The following MYH4 variants were observed in gnomAD, a reference collection of about 807,000 sequenced individuals.
The protein encoded by MYH4 is myosin-4.
A neutral mutation model predicts 229.9 loss-of-function variants in MYH4; 200 were observed. The ratio of observed to expected loss-of-function variants is 0.87; its 90% CI spans 0.78 to 0.98. The LOEUF (loss-of-function observed/expected upper bound fraction) is 0.98. Among genes scored for constraint, MYH4 ranks in the 50% least tolerant of loss-of-function variants. The probability of loss-of-function intolerance (pLI) is 0.00; values close to 1 mark genes in which losing one functional copy is unlikely to be tolerated. For missense variants in MYH4, 2,148 were observed against 2,332.6 expected, an observed-to-expected ratio of 0.92 and a Z score of 1.63; for synonymous variants, 761 against 834.6, an observed-to-expected ratio of 0.91 and a Z score of 1.52.
chr17:10,448,691 G>C lies in MYH4; in HGVS notation c.4458C>G (p.Phe1486Leu), dbSNP rs1323192898. The C allele has an allele frequency of 3.7e-6, 6 of 1,613,980 alleles. No individual in the cohort carries two copies. In the Admixed American group the frequency reaches 8.3e-5, roughly 22 times the overall value. ...KESRSLSTELFKVKNAYEESL... is the reference protein window; with the variant it reads ...KESRSLSTELLKVKNAYEESL... ...ATTCCTCGTAGGCATTCTTCACCTT[G>C]AACAGCTCAGTGCTGAGAGAACGCG... The change falls in exon 32 of 40, where the codon TTC becomes TTG. Residue 1486 changes from phenylalanine (F) to leucine (L), a missense_variant. By Grantham distance (22) the Phe-to-Leu change is conservative (BLOSUM62 0). Transcript: ENST00000255381.
chr17:10,451,239 T>G, intron 28 of MYH4, 87 bp downstream of exon 28: 698 of 1,473,162 alleles, frequency 4.7e-4, no homozygotes, highest in Non-Finnish European at 5.8e-4. Context: ...GTACAGAGCT[T>G]GAGAAATTAC....
chr17:10,465,687 A>G lies in MYH4; in HGVS notation c.349-89T>C, dbSNP rs550953876. On this transcript the variant is annotated intron_variant, in intron 4 of 39. Coordinates refer to ENST00000255381, the MANE Select transcript of MYH4 (RefSeq NM_017533.2). ...TTTAAGGGCAAGTAGAGCAGGACCT[A>G]AGTACTGTGTTAGTTCTCATAAAGT... 31 of 1,527,768 alleles carry G rather than the reference A, an allele frequency of 2.0e-5. 1 individual carries two copies. The Middle Eastern group carries it at 5.2e-4, about 26-fold the overall frequency. The allele number at this position is 1,527,768 out of a possible 1,614,324, so 94.6% of individuals were successfully genotyped here. A position where few individuals can be genotyped will look rare whatever the true frequency, so the allele number is the denominator to read the frequency against.
At chr17:10,459,461 G>T in intron 14 of MYH4, 40 bp from the exon 15 acceptor site, 1 of 1,614,058 alleles carries the variant, frequency 6.2e-7, no homozygotes, top group Non-Finnish European at 8.5e-7. Context: ...CGCATAACAA[G>T]TATTCTATCT....
intron 24 of MYH4, 85 bp from the exon 25 acceptor site, chr17:10,453,017 AT>A: frequency 6.3e-7 from 1 of 1,584,184 alleles, no homozygotes; most frequent in South Asian, 1.2e-5. Flanking sequence ...TAAGAAAAAA[AT>A]TTAAAGATAC....
chr17:10,464,078 A>G (rs139270138), intron 7 of MYH4, among the ~76,000 whole-genome samples: 1 of 152,268 alleles, frequency 6.6e-6, no homozygotes, highest in East Asian at 1.9e-4. Flanking sequence ...ATTGCATGAT[A>G]CTGAGATTTA....
Position 10,453,656 on chromosome 17 carries a change from G to A in MYH4, c.2921C>T (p.Ala974Val). Residue 974 changes from alanine (A) to valine (V), a missense_variant, in exon 23 of 40, where the codon GCC (alanine) becomes GTC (valine). By Grantham distance (64) the Ala-to-Val change is moderately conservative. Transcript: ENST00000255381. ...TLAKVEKEKH[A>V]TENKVKNLTE... ...CATGATTTGTACCTTGTTCTCTGTG[G>A]CATGTTTCTCCTTCTCAACCTTGGC... 1 of 1,613,956 alleles carries A rather than the reference G, an allele frequency of 6.2e-7. No homozygotes were observed. The highest frequency in any genetic ancestry group is 8.5e-7 in the Non-Finnish European group (1 of 1,179,978).
chr17:10,459,328 A>G lies in MYH4; in HGVS notation c.1510T>C (p.Tyr504His). 6.2e-7 allele frequency: 1 copy of G among 1,613,856 alleles called. No homozygotes were observed. Among genetic ancestry groups the G allele is most frequent in the Non-Finnish European group, 8.5e-7 (1 of 1,179,970 alleles). The change falls in exon 15 of 40, where the codon TAC becomes CAC. Residue 504 changes from tyrosine to histidine, a missense_variant. By Grantham distance (83) the Tyr-to-His change is moderately conservative. Coordinates refer to ENST00000255381, the MANE Select transcript of MYH4 (RefSeq NM_017533.2). ...TCCCACTCGATGCCTTCCTTCTTGT[A>G]CTCTTCCTGCTCCAGCACGAACATG... ...HHMFVLEQEEYKKEGIEWEFI... is the reference protein window; with the variant it reads ...HHMFVLEQEEHKKEGIEWEFI...
At chr17:10,469,004 A>G (rs151211534) in intron 2 of MYH4, among the ~76,000 whole-genome samples, 144 of 152,316 alleles carry the variant, frequency 9.5e-4, no homozygotes, top group African/African-American at 3.4e-3. Flanking sequence ...TCTCTCTGAT[A>G]TATCTTTATG....
intron 14 of MYH4, among the ~76,000 whole-genome samples, chr17:10,459,640 T>C (rs2072679149): frequency 2.0e-5 from 3 of 152,140 alleles, no homozygotes; most frequent in African/African-American, 7.2e-5. Context: ...GGCAAAATAC[T>C]GTTAAATGAG....
At position 10,446,983 on chromosome 17, in the gene MYH4, C is replaced by T. The variant is rs761932130; in HGVS notation, c.5169+30G>A. The stretch of plus-strand genomic sequence containing the variant: ...AAATTATCTTCAGCTTCAGGGAGTA[C>T]ATTTTCTAAACCATAGTCTTGAACC... On this transcript the variant is annotated intron_variant, in intron 35 of 39. Transcript: ENST00000255381. The T allele has an allele frequency of 4.4e-6, 7 of 1,596,628 alleles. No individual in the cohort carries two copies. The East Asian group carries it at 1.1e-4, about 25-fold the overall frequency.
At position 10,449,031 on chromosome 17, in the gene MYH4, G is replaced by A. The variant is rs373105410; in HGVS notation, c.4198C>T (p.Arg1400Cys). Residue 1400 changes from arginine to cysteine, a missense_variant, in exon 31 of 40, where the codon CGT becomes TGT. Arg to Cys is a radical substitution (Grantham distance 180, BLOSUM62 -3). Coordinates refer to ENST00000255381, the MANE Select transcript of MYH4 (RefSeq NM_017533.2). ...ACATGTTCTTCTGCATCCTGCAGACGCTGGGCTAGCTTCTTCCTGAAAATT... is the reference window on the plus strand; with the variant it reads ...ACATGTTCTTCTGCATCCTGCAGACACTGGGCTAGCTTCTTCCTGAAAATT... ...LEEAKKKLAQ[R>C]LQDAEEHVEA... The A allele has an allele frequency of 2.0e-5, 32 of 1,613,848 alleles. No homozygotes were observed. Among genetic ancestry groups the A allele is most frequent in the South Asian group, 9.9e-5 (9 of 91,082 alleles).
intron 14 of MYH4, 84 bp downstream of exon 14, chr17:10,459,868 G>C: frequency 6.2e-7 from 1 of 1,605,808 alleles, no homozygotes; most frequent in Non-Finnish European, 8.5e-7. Flanking sequence ...TGTATATTTT[G>C]TAAGGTACAT....
In MYH4 at chr17:10,451,953, G is replaced by A. The variant is rs2142216022; in HGVS notation, c.3726C>T (p.Val1242=). The change falls in exon 27 of 40, where the codon GTC becomes GTT. Residue 1242 remains valine, a synonymous_variant. Coordinates refer to ENST00000255381, the MANE Select transcript of MYH4 (RefSeq NM_017533.2). ...AGTTAATGAAGACCTTGGCTTTGGAGACAGTCTCCATGTTACTAGCAAGGT... is the reference window on the plus strand; with the variant it reads ...AGTTAATGAAGACCTTGGCTTTGGAAACAGTCTCCATGTTACTAGCAAGGT... ...INDLASNMET[V]SKAKANFEKM... The A allele has an allele frequency of 6.2e-7, 1 of 1,604,796 alleles. No homozygotes were observed. Among genetic ancestry groups the A allele is most frequent in the South Asian group, 1.1e-5 (1 of 89,744 alleles).
At chr17:10,457,830 T>C in intron 15 of MYH4, 101 bp from the exon 16 acceptor site, 1 of 1,421,602 alleles carries the variant, frequency 7.0e-7, no homozygotes, top group Non-Finnish European at 9.4e-7. Flanking sequence ...AAAAGAAGAC[T>C]TTGAATGATA....
chr17:10,447,037 T>A lies in MYH4; in HGVS notation c.5145A>T (p.Glu1715Asp). 1 of 1,614,142 alleles carries A rather than the reference T, an allele frequency of 6.2e-7. No homozygotes were observed. Among genetic ancestry groups the A allele is most frequent in the Non-Finnish European group, 8.5e-7 (1 of 1,180,010 alleles). ...CCTGAGTGTGCAGAAGTTGCACACG[T>A]TCACTGGCATCCAGAAGCTCTTGCT... ...MAEQELLDAS[E>D]RVQLLHTQNT... The change falls in exon 35 of 40, where the codon GAA becomes GAT. Residue 1715 changes from glutamate to aspartate, a missense_variant. By Grantham distance (45) the Glu-to-Asp change is conservative (BLOSUM62 2). Transcript: ENST00000255381.
At position 10,454,606 on chromosome 17, in the gene MYH4, C is replaced by T. The variant is rs2142219584; in HGVS notation, c.2640G>A (p.Lys880=). ...TEAKRKELEE[K]MVTLMQEKND... is the part of the protein sequence containing the mutation. Reference sequence around the variant, plus strand: ...TTTTCTCTTGCATTAGCGTCACCATCTTTTCTTCTAGTTCTTTCCTTTTTG... The same window carrying T: ...TTTTCTCTTGCATTAGCGTCACCATTTTTTCTTCTAGTTCTTTCCTTTTTG... Residue 880 remains lysine (K), a synonymous_variant, in exon 22 of 40, where the codon AAG becomes AAA. Coordinates refer to ENST00000255381, the MANE Select transcript of MYH4 (RefSeq NM_017533.2). 1 of 1,614,118 alleles carries T rather than the reference C, an allele frequency of 6.2e-7. No individual in the cohort carries two copies. The highest frequency in any genetic ancestry group is 8.5e-7 in the Non-Finnish European group (1 of 1,180,028).
At position 10,459,379 on chromosome 17, in the gene MYH4, T is replaced by C; in HGVS notation, c.1459A>G (p.Lys487Glu). The change falls in exon 15 of 40, where the codon AAA becomes GAA. Residue 487 changes from lysine to glutamate, a missense_variant. Lys to Glu is a moderately conservative substitution (Grantham distance 56). Transcript: ENST00000255381. Reference sequence around the variant, plus strand: ...TGGTGGTTGAAAAACTGTTGCAGTTTCTCGTTGGTGAAGTTGATGCACAGC... The same window carrying C: ...TGGTGGTTGAAAAACTGTTGCAGTTCCTCGTTGGTGAAGTTGATGCACAGC... ...EQLCINFTNE[K>E]LQQFFNHHMF... 1 of 1,614,186 alleles carries C rather than the reference T, an allele frequency of 6.2e-7. No individual in the cohort carries two copies. Among genetic ancestry groups the C allele is most frequent in the Non-Finnish European group, 8.5e-7 (1 of 1,180,046 alleles).
Position 10,453,661 on chromosome 17 carries a change from T to G in MYH4, c.2916A>C (p.Lys972Asn), listed in dbSNP as rs1436893624. Residue 972 changes from lysine (K) to asparagine (N), a missense_variant, in exon 23 of 40, where the codon AAA becomes AAC. Transcript: ENST00000255381. Reference sequence around the variant, plus strand: ...TTTGTACCTTGTTCTCTGTGGCATGTTTCTCCTTCTCAACCTTGGCCAGTG... The same window carrying G: ...TTTGTACCTTGTTCTCTGTGGCATGGTTCTCCTTCTCAACCTTGGCCAGTG... ...ELTLAKVEKE[K>N]HATENKVKNL... The G allele has an allele frequency of 6.2e-7, 1 of 1,614,014 alleles. No individual in the cohort carries two copies. The highest frequency in any genetic ancestry group is 1.3e-5 in the African/African-American group (1 of 74,934).
intron 2 of MYH4, among the ~76,000 whole-genome samples, chr17:10,468,724 T>G (rs1468283964): frequency 6.6e-6 from 1 of 152,176 alleles, no homozygotes; most frequent in Non-Finnish European, 1.5e-5. Flanking sequence ...GTCAATAGAA[T>G]CCAGCCTCCT....
Sources: gnomAD v4.1 joint callset for allele counts (sites outside exome capture counted in the v4.1 genomes callset) on GRCh38, gnomAD v4.1.1 for gene constraint, MANE v1.5 for transcripts, NCBI Gene and HGNC (gene_info 2026-07-23, HGNC 2026-07-21) for gene names.